Variants in SOS1 observed in about 807,000 individuals in gnomAD.
SOS1 encodes son of sevenless homolog 1.
Under a neutral mutation model 157.6 loss-of-function variants are expected in SOS1, and 25 were observed. That is an observed-to-expected ratio of 0.16 (90% CI 0.12 to 0.22). SOS1 has a LOEUF of 0.22. SOS1 is among the 10% of genes least tolerant of loss of function. The pLI, the probability that SOS1 is intolerant of heterozygous loss-of-function variation, is 1.00. For missense variants in SOS1, 1,237 were observed against 1,599.1 expected, an observed-to-expected ratio of 0.77 and a Z score of 3.86; for synonymous variants, 528 against 534.0, an observed-to-expected ratio of 0.99 and a Z score of 0.16.
chr2:39,079,296 C>T (rs1030184827), intron 1 of SOS1, among the ~76,000 whole-genome samples: 1 of 151,878 alleles, frequency 6.6e-6, no homozygotes, highest in Non-Finnish European at 1.5e-5. Flanking sequence ...AGAAACAATA[C>T]GATCCATTTA....
chr2:39,066,979 A>G (rs1189454652), intron 2 of SOS1, among the ~76,000 whole-genome samples: 1 of 152,202 alleles, frequency 6.6e-6, no homozygotes, highest in Non-Finnish European at 1.5e-5. Flanking sequence ...TATACAAACT[A>G]TCCTATATGC....
chr2:39,061,850 A>T (rs1376773138), intron 2 of SOS1, among the ~76,000 whole-genome samples: 3 of 152,220 alleles, frequency 2.0e-5, no homozygotes, highest in Non-Finnish European at 4.4e-5. Flanking sequence ...CATTAATGAG[A>T]TACAGAGCTA....
At chr2:39,000,989 G>T (rs1290475911) in intron 17 of SOS1, among the ~76,000 whole-genome samples, 3 of 152,154 alleles carry the variant, frequency 2.0e-5, no homozygotes, top group Non-Finnish European at 4.4e-5. Flanking sequence ...AAAAGCAAAG[G>T]GCAAAGCCAA....
intron 1 of SOS1, among the ~76,000 whole-genome samples, chr2:39,090,317 A>G (rs1362501203): frequency 3.3e-5 from 5 of 152,058 alleles, no homozygotes; most frequent in Non-Finnish European, 7.4e-5. Flanking sequence ...CTCTATGATC[A>G]TTTCTCTTCT....
intron 1 of SOS1, among the ~76,000 whole-genome samples, chr2:39,097,559 CTTTTTTTTT>C (rs141309255): frequency 1.4e-5 from 2 of 143,730 alleles, no homozygotes; most frequent in Admixed American, 7.0e-5. Context: ...TCTTTTTTTT[CTTTTTTTTT>C]TTTTATTGAG....
intron 3 of SOS1, among the ~76,000 whole-genome samples, chr2:39,057,979 A>G (rs1470762216): frequency 1.3e-5 from 2 of 152,082 alleles, no homozygotes; most frequent in East Asian, 3.8e-4. Context: ...AACTGTGGAT[A>G]ATAATAACTT....
chr2:38,990,885 T>C (rs186389293), intron 20 of SOS1, among the ~76,000 whole-genome samples: 1 of 152,280 alleles, frequency 6.6e-6, no homozygotes, highest in Admixed American at 6.5e-5. Flanking sequence ...TCAAGAAATA[T>C]ATGCTAGAAA....
chr2:39,021,780 T>C (rs1669806122), intron 10 of SOS1, among the ~76,000 whole-genome samples: 1 of 151,662 alleles, frequency 6.6e-6, no homozygotes, highest in African/African-American at 2.4e-5. Flanking sequence ...AAGAAGTATT[T>C]TGCAATCACA....
intron 1 of SOS1, among the ~76,000 whole-genome samples, chr2:39,074,967 G>T (rs1000423461): frequency 6.6e-6 from 1 of 152,086 alleles, no homozygotes; most frequent in Non-Finnish European, 1.5e-5. Context: ...CATGTAGGGA[G>T]ACTGGAAGGC....
upstream of SOS1, chr2:39,124,242 G>A (rs902660746): frequency 5.3e-5 from 8 of 152,364 alleles, no homozygotes; most frequent in Admixed American, 2.0e-4. Flanking sequence ...GTGCAGACGG[G>A]TAGGCACGTG....
At position 39,035,519 on chromosome 2, in the gene SOS1, TA is replaced by T; in HGVS notation, c.865-20del. The T allele has an allele frequency of 6.6e-7, 1 of 1,513,930 alleles. No homozygotes were observed. Among genetic ancestry groups the T allele is most frequent in the African/African-American group, 1.4e-5 (1 of 72,924 alleles). The allele number at this position is 1,513,930 out of a possible 1,614,324, so 93.8% of individuals were successfully genotyped here. A position where few individuals can be genotyped will look rare whatever the true frequency, so the allele number is the denominator to read the frequency against. ...CCAGTTCCTTAGAAAATAAAGAAGG[TA>T]AAACATAAATAATTTACCATTACAA... On this transcript the variant is annotated intron_variant, in intron 6 of 22. Transcript: ENST00000402219.
intron 17 of SOS1, among the ~76,000 whole-genome samples, chr2:38,999,856 C>G (rs1283135583): frequency 1.3e-5 from 2 of 152,100 alleles, no homozygotes; most frequent in Non-Finnish European, 2.9e-5. Context: ...TAACTTTTAT[C>G]TAGGAGATAA....
Position 39,120,539 on chromosome 2 carries a change from C to A in SOS1, c.-117G>T, listed in dbSNP as rs946186712. 168 of 1,084,630 alleles carry A rather than the reference C, an allele frequency of 1.5e-4. No homozygotes were observed. The highest frequency in any genetic ancestry group is 2.1e-4 in the Admixed American group (4 of 19,048). 67.2% of individuals were successfully genotyped at this position (1,084,630 alleles called of 1,614,324 possible). A position where few individuals can be genotyped will look rare whatever the true frequency, so the allele number is the denominator to read the frequency against. On this transcript the variant is annotated 5_prime_UTR_variant, in exon 1 of 23. Coordinates refer to ENST00000402219, the MANE Select transcript of SOS1 (RefSeq NM_005633.4). ...CCGCGGCCCCACCGGACGGCCCGGCCCCCTCCGGGCGCCGCGCAGCCGGGC... is the reference window on the plus strand; with the variant it reads ...CCGCGGCCCCACCGGACGGCCCGGCACCCTCCGGGCGCCGCGCAGCCGGGC...
intron 1 of SOS1, among the ~76,000 whole-genome samples, chr2:39,098,616 G>A (rs1394141784): frequency 1.3e-5 from 2 of 152,162 alleles, no homozygotes; most frequent in Non-Finnish European, 2.9e-5. Flanking sequence ...TTGGCCGGGT[G>A]CGGTGGCTCA....
At chr2:39,029,859 A>G (rs1572836527) in intron 8 of SOS1, among the ~76,000 whole-genome samples, 1 of 152,148 alleles carries the variant, frequency 6.6e-6, no homozygotes, top group African/African-American at 2.4e-5. Context: ...GGGAATGTAC[A>G]CTAGAGAGAA....
intron 1 of SOS1, among the ~76,000 whole-genome samples, chr2:39,069,490 CA>C (rs1671723598): frequency 3.3e-5 from 5 of 152,250 alleles, no homozygotes; most frequent in Admixed American, 2.6e-4. Flanking sequence ...AGCATTGTAA[CA>C]ATCCAGAACT....
chr2:39,106,298 A>G (rs1028995599), intron 1 of SOS1, among the ~76,000 whole-genome samples: 1 of 152,052 alleles, frequency 6.6e-6, no homozygotes, highest in African/African-American at 2.4e-5. Flanking sequence ...TTTCTTAAAT[A>G]ACATCTGAGT....
intron 1 of SOS1, among the ~76,000 whole-genome samples, chr2:39,070,082 T>C (rs1671746217): frequency 6.6e-6 from 1 of 152,180 alleles, no homozygotes; most frequent in Non-Finnish European, 1.5e-5. Flanking sequence ...CCATTCACCA[T>C]ACCACCACAC....
At chr2:39,094,424 G>T (rs1014325028) in intron 1 of SOS1, among the ~76,000 whole-genome samples, 1 of 152,088 alleles carries the variant, frequency 6.6e-6, no homozygotes, top group Non-Finnish European at 1.5e-5. Flanking sequence ...GAGGCAGGTG[G>T]ATCACGAGGT....
Sources: gnomAD v4.1 joint callset for allele counts (sites outside exome capture counted in the v4.1 genomes callset) on GRCh38, gnomAD v4.1.1 for gene constraint, MANE v1.5 for transcripts, NCBI Gene and HGNC (gene_info 2026-07-23, HGNC 2026-07-21) for gene names.